FIG4: variants seen among roughly 807,000 people sequenced by gnomAD.
FIG4 encodes polyphosphoinositide phosphatase.
Under a neutral mutation model 118.6 loss-of-function variants are expected in FIG4, and 112 were observed. The ratio of observed to expected loss-of-function variants is 0.94; its 90% CI spans 0.81 to 1.11. The LOEUF is 1.11. Among genes scored for constraint, FIG4 ranks in the 50% least tolerant of loss-of-function variants. The pLI, the probability that FIG4 is intolerant of heterozygous loss-of-function variation, is 0.00. For missense variants in FIG4, 969 were observed against 1,111.7 expected (o/e 0.87, Z 1.83); for synonymous variants, 369 against 381.2 (o/e 0.97, Z 0.37).
rs547847971 is a variant in FIG4, at chr6:109,716,745, T to C, written c.289+177T>C. Among the ~76,000 whole-genome samples, 4 of 152,352 alleles carry C rather than the reference T, an allele frequency of 2.6e-5. No homozygotes were observed. The East Asian group carries it at 7.7e-4, about 29-fold the overall frequency. On this transcript the variant is annotated intron_variant, in intron 3 of 22. Transcript: ENST00000230124. ...GATAGCAAACAGCGTTTCTGTAGCA[T>C]CTGCTTATGCACTTAGCACTGCTCA...
intron 22 of FIG4, among the ~76,000 whole-genome samples, chr6:109,815,438 C>G (rs1469683124): frequency 6.6e-6 from 1 of 151,934 alleles, no homozygotes; most frequent in Non-Finnish European, 1.5e-5. Context: ...TACACTGGAT[C>G]TGTCCTCTGG....
intron 1 of FIG4, among the ~76,000 whole-genome samples, chr6:109,698,730 TG>T (rs1490689506): frequency 3.9e-5 from 6 of 152,264 alleles, no homozygotes; most frequent in Admixed American, 6.5e-5. Context: ...TTTTGTCAAA[TG>T]TTTTTTTCAC....
intron 7 of FIG4, among the ~76,000 whole-genome samples, chr6:109,740,725 G>A (rs1402687116): frequency 1.3e-5 from 2 of 152,078 alleles, no homozygotes; most frequent in African/African-American, 2.4e-5. Context: ...TCTTTGAGAG[G>A]TGTATGATCT....
chr6:109,736,872 G>A (rs940221631), intron 6 of FIG4, among the ~76,000 whole-genome samples: 1 of 152,134 alleles, frequency 6.6e-6, no homozygotes, highest in Non-Finnish European at 1.5e-5. Context: ...CTCCAGGGGA[G>A]AATCAGTTTT....
At chr6:109,753,988 T>G (rs1272450474) in intron 10 of FIG4, among the ~76,000 whole-genome samples, 1 of 152,014 alleles carries the variant, frequency 6.6e-6, no homozygotes, top group Non-Finnish European at 1.5e-5. Context: ...TGAATAGGAG[T>G]GGTGAGAGAG....
chr6:109,754,762 T>C (rs1476942292), intron 10 of FIG4, among the ~76,000 whole-genome samples: 3 of 152,126 alleles, frequency 2.0e-5, no homozygotes, highest in Admixed American at 2.0e-4. Flanking sequence ...TGGTAGTTTG[T>C]ATTTCTGTGG....
At chr6:109,783,071 CA>C (rs1271749752) in intron 16 of FIG4, among the ~76,000 whole-genome samples, 1 of 152,140 alleles carries the variant, frequency 6.6e-6, no homozygotes, top group East Asian at 1.9e-4. Context: ...GATGAGAACA[CA>C]TGGACACATG....
At chr6:109,824,325 G>C (rs1779095397) in intron 22 of FIG4, among the ~76,000 whole-genome samples, 1 of 152,236 alleles carries the variant, frequency 6.6e-6, no homozygotes, top group African/African-American at 2.4e-5. Flanking sequence ...AGCATAGCAG[G>C]ATGGTACATA....
intron 22 of FIG4, among the ~76,000 whole-genome samples, chr6:109,815,127 C>T (rs1778824383): frequency 6.6e-6 from 1 of 152,116 alleles, no homozygotes; most frequent in Non-Finnish European, 1.5e-5. Flanking sequence ...CCTTCTCCAA[C>T]AGTTAGGAAA....
chr6:109,779,972 G>A (rs1777748140), intron 16 of FIG4, among the ~76,000 whole-genome samples: 1 of 152,166 alleles, frequency 6.6e-6, no homozygotes, highest in Admixed American at 6.5e-5. Flanking sequence ...AAAATATATG[G>A]AAAGTACTTA....
chr6:109,824,947 T>C (rs1779114963), intron 22 of FIG4, 141 bp from the exon 23 acceptor site: 2 of 756,970 alleles, frequency 2.6e-6, no homozygotes, highest in South Asian at 3.0e-5. Context: ...TCGCAAGGAC[T>C]GGGGAGGTCA....
At chr6:109,774,079 T>C (rs1777546396) in intron 15 of FIG4, among the ~76,000 whole-genome samples, 1 of 152,170 alleles carries the variant, frequency 6.6e-6, no homozygotes, top group Non-Finnish European at 1.5e-5. Flanking sequence ...CCCAAAGTGC[T>C]GGGATTACAG....
intron 20 of FIG4, among the ~76,000 whole-genome samples, chr6:109,792,215 G>A (rs887630788): frequency 6.6e-6 from 1 of 152,190 alleles, no homozygotes; most frequent in Non-Finnish European, 1.5e-5. Flanking sequence ...TTTACTCATT[G>A]TATGTGACTA....
chr6:109,704,876 A>G (rs1177566961), intron 1 of FIG4, among the ~76,000 whole-genome samples: 1 of 152,094 alleles, frequency 6.6e-6, no homozygotes, highest in Middle Eastern at 3.2e-3. Context: ...GATGGGGGGA[A>G]AATTGGAATA....
At chr6:109,772,319 A>G (rs1018376091) in intron 15 of FIG4, among the ~76,000 whole-genome samples, 1 of 152,080 alleles carries the variant, frequency 6.6e-6, no homozygotes, top group African/African-American at 2.4e-5. Context: ...GTTTTGTCCT[A>G]GGGATATCAC....
chr6:109,739,134 A>G (rs545446389), intron 7 of FIG4, among the ~76,000 whole-genome samples: 1 of 152,272 alleles, frequency 6.6e-6, no homozygotes, highest in South Asian at 2.1e-4. Context: ...TGAAACTAGA[A>G]CAAGTAACAT....
chr6:109,782,577 C>T (rs147330070), intron 16 of FIG4, among the ~76,000 whole-genome samples: 3 of 148,532 alleles, frequency 2.0e-5, no homozygotes, highest in Non-Finnish European at 2.9e-5. Flanking sequence ...TCTTCCTAAG[C>T]AAGCTGATTG....
intron 19 of FIG4, 84 bp from the exon 20 acceptor site, chr6:109,791,292 C>A: frequency 8.3e-7 from 1 of 1,200,352 alleles, no homozygotes; most frequent in Non-Finnish European, 1.2e-6. Context: ...TTCACTAGGC[C>A]TAAGGCTTTG....
At chr6:109,744,699 G>A (rs1418103954) in intron 10 of FIG4, among the ~76,000 whole-genome samples, 2 of 152,050 alleles carry the variant, frequency 1.3e-5, no homozygotes, top group African/African-American at 4.8e-5. Flanking sequence ...GTGCAGGTTT[G>A]TTACATAAGT....
Sources: allele counts gnomAD v4.1 joint callset (sites outside exome capture counted in the v4.1 genomes callset), GRCh38; gene constraint gnomAD v4.1.1; transcripts MANE v1.5; gene names NCBI Gene and HGNC (gene_info 2026-07-23, HGNC 2026-07-21).